ZNF112: variants seen among roughly 807,000 people sequenced by gnomAD.
ZNF112 encodes the protein zinc finger protein 112, also known as zinc finger protein 112 (Y14).
Under a neutral mutation model 77.7 loss-of-function variants are expected in ZNF112, and 37 were observed. The ratio of observed to expected loss-of-function variants is 0.48; its 90% confidence interval spans 0.37 to 0.63. The LOEUF is 0.63. ZNF112 is among the 20% of genes least tolerant of loss of function. ZNF112 has a pLI of 0.00. For synonymous variants in ZNF112, 333 were observed against 363.6 expected (o/e 0.92, Z 0.96); for missense variants, 950 against 1,077.4 (o/e 0.88, Z 1.66).
intron 1 of ZNF112, among the ~76,000 whole-genome samples, chr19:44,343,935 T>C (rs1970539627): frequency 6.6e-6 from 1 of 152,188 alleles, no homozygotes; most frequent in Non-Finnish European, 1.5e-5. Flanking sequence ...AAGTCACCCG[T>C]AACTTCGGAA....
At chr19:44,346,160 A>C (rs781219143) in intron 1 of ZNF112, among the ~76,000 whole-genome samples, 5 of 152,196 alleles carry the variant, frequency 3.3e-5, no homozygotes, top group Non-Finnish European at 7.3e-5. Flanking sequence ...GCCTAATGAA[A>C]GCGGAATGCT....
rs16978967 is a variant in ZNF112, at chr19:44,332,011, T to C, written c.221-2075A>G. Among the ~76,000 whole-genome samples, 338 of 152,300 alleles carry C rather than the reference T, an allele frequency of 2.2e-3. 3 individuals are homozygous for C. Among genetic ancestry groups the C allele is most frequent in the African/African-American group, 7.9e-3 (327 of 41,570 alleles). ...GTCTTTCTCATTTTTAAAGTAACTT[T>C]TTAAATGGTACAACTGTGAGCCAGG... On this transcript the variant is annotated intron_variant, in intron 3 of 3. Coordinates refer to ENST00000354340, the MANE Select transcript of ZNF112 (RefSeq NM_013380.4).
Position 44,329,607 on chromosome 19 carries a change from C to T in ZNF112, c.550G>A (p.Glu184Lys), listed in dbSNP as rs369321412. ...CATCTACACTGATAATTATGTGACT[C>T]TTTCAGATACATTTTCCTCCAAGAA... is the stretch of plus-strand genomic sequence containing the variant. ...HHSWRKMYLK[E>K]SHNYQCRCQQ... is the part of the protein sequence containing the mutation. The change falls in exon 4 of 4, where the codon GAG becomes AAG. Residue 184 changes from glutamate to lysine, a missense_variant. Physicochemically the swap from Glu to Lys is moderately conservative, Grantham distance 56 (BLOSUM62 1). This residue lies in a region of ZNF112 where 560 missense variants were observed against 557.3 expected (regional missense o/e 1.00). Coordinates refer to ENST00000354340, the MANE Select transcript of ZNF112 (RefSeq NM_013380.4). 6.2e-7 allele frequency: 1 copy of T among 1,614,020 alleles called. No homozygotes were observed. The highest frequency in any genetic ancestry group is 8.5e-7 in the Non-Finnish European group (1 of 1,180,034).
rs760565594 is a variant in ZNF112 at position 44,343,348 on chromosome 19, G to C, written c.-3-2806C>G. On this transcript the variant is annotated intron_variant, in intron 1 of 3. Coordinates refer to ENST00000354340, the MANE Select transcript of ZNF112 (RefSeq NM_013380.4). ...AATACGAAAGAAGCCATGATTAAAA[G>C]GGAAACGTATCTTTGTGCAAATTAG... is the stretch of plus-strand genomic sequence containing the variant. 6.1e-6 allele frequency: 9 copies of C among 1,484,478 alleles called. No individual in the cohort carries two copies. In the East Asian group the frequency reaches 1.4e-4, roughly 23 times the overall value. 92.0% of individuals were successfully genotyped at this position (1,484,478 alleles called of 1,614,324 possible).
chr19:44,354,627 A>C (rs1970752857), intron 1 of ZNF112, among the ~76,000 whole-genome samples: 1 of 152,170 alleles, frequency 6.6e-6, no homozygotes, highest in Non-Finnish European at 1.5e-5. Context: ...CCAATTCCAC[A>C]CTGCAAATCC....
In ZNF112 at chr19:44,339,777, A is replaced by G. The variant is rs1350031305; in HGVS notation, c.124+639T>C. Among the ~76,000 whole-genome samples the G allele has an allele frequency of 2.6e-5, 4 of 152,260 alleles. No homozygotes were observed. The East Asian group carries it at 7.7e-4, about 29-fold the overall frequency. ...GTACTCTTGGGTCTTGGGGACTCCT[A>G]ATCTTGCAATTGGTATCAGAGGTGA... On this transcript the variant is annotated intron_variant, in intron 2 of 3. Transcript: ENST00000354340.
chr19:44,352,888 T>G (rs1970718216), intron 1 of ZNF112, among the ~76,000 whole-genome samples: 1 of 152,020 alleles, frequency 6.6e-6, no homozygotes, highest in Non-Finnish European at 1.5e-5. Flanking sequence ...ATCAATGAAC[T>G]GGAAAACTCA....
intron 1 of ZNF112, chr19:44,343,445 T>C: frequency 3.1e-6 from 2 of 646,378 alleles, no homozygotes; most frequent in South Asian, 2.1e-5. Context: ...TGGGTTGGAT[T>C]CTAGCTACCA....
At position 44,352,188 on chromosome 19, in the gene ZNF112, C is replaced by T. The variant is rs559006885; in HGVS notation, c.-4+4438G>A. Among the ~76,000 whole-genome samples the T allele has an allele frequency of 2.0e-5, 3 of 151,866 alleles. No individual in the cohort carries two copies. The East Asian group carries it at 5.8e-4, about 29-fold the overall frequency. On this transcript the variant is annotated intron_variant, in intron 1 of 3. Coordinates refer to ENST00000354340, the MANE Select transcript of ZNF112 (RefSeq NM_013380.4). ...GAAGTCTACATGACAATGCAATTGT[C>T]AAAACTCAGAAATGTACACCAAAAA...
chr19:44,340,134 C>T (rs551162138), intron 2 of ZNF112, among the ~76,000 whole-genome samples: 40 of 152,098 alleles, frequency 2.6e-4, no homozygotes, highest in Non-Finnish European at 5.4e-4. Context: ...AAGTCAAGTT[C>T]ATCAACAGTT....
Position 44,327,072 on chromosome 19 carries a change from T to C in ZNF112, c.*361A>G, listed in dbSNP as rs1158888856. ...CTTTTAGTTATTTAGCAAAAAGTACTGAGCACCTACATTGCGTTATGAAAT... is the reference window on the plus strand; with the variant it reads ...CTTTTAGTTATTTAGCAAAAAGTACCGAGCACCTACATTGCGTTATGAAAT... On this transcript the variant is annotated 3_prime_UTR_variant, in exon 4 of 4. Coordinates refer to ENST00000354340, the MANE Select transcript of ZNF112 (RefSeq NM_013380.4). 1 of 172,790 alleles carries C rather than the reference T, an allele frequency of 5.8e-6. No homozygotes were observed. Among genetic ancestry groups the C allele is most frequent in the South Asian group, 1.8e-4 (1 of 5,522 alleles). The allele number at this position is 172,790 out of a possible 1,614,324, so 10.7% of individuals were successfully genotyped here.
chr19:44,364,765 T>C (rs1474292998), intron 1 of ZNF112, among the ~76,000 whole-genome samples: 1 of 152,216 alleles, frequency 6.6e-6, no homozygotes, highest in Non-Finnish European at 1.5e-5. Flanking sequence ...CAGGGTGATA[T>C]GAAAAGGTTA....
intron 1 of ZNF112, among the ~76,000 whole-genome samples, chr19:44,354,646 A>G (rs1010130871): frequency 2.4e-4 from 37 of 152,194 alleles, no homozygotes; most frequent in Admixed American, 1.7e-3. Flanking sequence ...CCTTGATGCC[A>G]GCTGTCTGTT....
At position 44,328,770 on chromosome 19, in the gene ZNF112, G is replaced by T. The variant is rs1970193373; in HGVS notation, c.1387C>A (p.Gln463Lys). The change falls in exon 4 of 4, where the codon CAA (glutamine) becomes AAA (lysine). Residue 463 changes from glutamine to lysine, a missense_variant. By Grantham distance (53) the Gln-to-Lys change is moderately conservative. This residue lies in a region of ZNF112 where 560 missense variants were observed against 557.3 expected (regional missense o/e 1.00). Transcript: ENST00000354340. Reference sequence around the variant, plus strand: ...CTACACACATAGCGTTTATATGGTTGTTCCTTAGTGTGGACTATCTGAAGG... The same window carrying T: ...CTACACACATAGCGTTTATATGGTTTTTCCTTAGTGTGGACTATCTGAAGG... Reference protein sequence around the residue: ...QDLQIVHTKEQPYKRYVCSNS... With the variant: ...QDLQIVHTKEKPYKRYVCSNS... The T allele has an allele frequency of 4.3e-6, 7 of 1,614,046 alleles. No homozygotes were observed. Among genetic ancestry groups the T allele is most frequent in the Non-Finnish European group, 5.9e-6 (7 of 1,179,978 alleles).
chr19:44,337,678 A>C (rs1180542875), intron 2 of ZNF112, among the ~76,000 whole-genome samples: 1 of 151,080 alleles, frequency 6.6e-6, no homozygotes, highest in Non-Finnish European at 1.5e-5. Flanking sequence ...AGCTTTGCCA[A>C]AAAACGTATA....
At chr19:44,348,755 A>G (rs1411057855) in intron 1 of ZNF112, among the ~76,000 whole-genome samples, 1 of 152,170 alleles carries the variant, frequency 6.6e-6, no homozygotes, top group Non-Finnish European at 1.5e-5. Flanking sequence ...ACTTAAATGC[A>G]ACATATCAAA....
At position 44,329,154 on chromosome 19, in the gene ZNF112, T is replaced by G. The variant is rs1970210132; in HGVS notation, c.1003A>C (p.Asn335His). ...TAAGTGTTAAGAGGGGAACAGTGAT[T>G]GAAGTTCTCACCATATTCACCACAT... is the stretch of plus-strand genomic sequence containing the variant. Reference protein sequence around the residue: ...CKCGEYGENFNHCSPLNTYEL... With the variant: ...CKCGEYGENFHHCSPLNTYEL... The change falls in exon 4 of 4, where the codon AAT (asparagine) becomes CAT (histidine). Residue 335 changes from asparagine to histidine, a missense_variant. Asn to His is a moderately conservative substitution (Grantham distance 68). Transcript: ENST00000354340. 1 of 1,613,924 alleles carries G rather than the reference T, an allele frequency of 6.2e-7. No homozygotes were observed. Among genetic ancestry groups the G allele is most frequent in the African/African-American group, 1.3e-5 (1 of 75,062 alleles).
At chr19:44,353,969 A>G (rs1970738091) in intron 1 of ZNF112, among the ~76,000 whole-genome samples, 1 of 152,178 alleles carries the variant, frequency 6.6e-6, no homozygotes, top group Non-Finnish European at 1.5e-5. Flanking sequence ...GAAAAAGTCT[A>G]TCAACCAGAG....
chr19:44,362,770 T>G (rs535325829), intron 1 of ZNF112, among the ~76,000 whole-genome samples: 138 of 152,148 alleles, frequency 9.1e-4, no homozygotes, highest in Non-Finnish European at 1.4e-3. Context: ...ATTATTTATT[T>G]GTTCCATTAT....
Sources: allele counts gnomAD v4.1 joint callset (sites outside exome capture counted in the v4.1 genomes callset), GRCh38; gene constraint gnomAD v4.1.1; regional missense constraint gnomAD v4.1.1; transcripts MANE v1.5; gene names NCBI Gene and HGNC (gene_info 2026-07-23, HGNC 2026-07-21).